The following UBE3A variants were observed in gnomAD, a reference collection of about 807,000 sequenced individuals.
The protein encoded by UBE3A is ubiquitin protein ligase E3A, also known as ubiquitin-protein ligase E3A.
Under a neutral mutation model 83.4 loss-of-function variants are expected in UBE3A, and 6 were observed. The ratio of observed to expected loss-of-function variants is 0.07; its 90% CI spans 0.04 to 0.14. UBE3A has a LOEUF of 0.14. UBE3A is among the 10% of genes least tolerant of loss of function. The pLI, the probability that UBE3A is intolerant of heterozygous loss-of-function variation, is 1.00. For synonymous variants in UBE3A, 337 were observed against 355.4 expected, an observed-to-expected ratio of 0.95 and a Z score of 0.58; for missense variants, 456 against 1,036.1, an observed-to-expected ratio of 0.44 and a Z score of 7.69.
chr15:25,350,723 T>C (rs938639139), intron 11 of UBE3A, among the ~76,000 whole-genome samples: 2 of 152,268 alleles, frequency 1.3e-5, no homozygotes, highest in Non-Finnish European at 1.5e-5. Flanking sequence ...ACTTTGCGTA[T>C]TCATATAATG....
intron 4 of UBE3A, among the ~76,000 whole-genome samples, chr15:25,389,713 C>T (rs1346443957): frequency 2.0e-5 from 3 of 152,130 alleles, no homozygotes; most frequent in African/African-American, 4.8e-5. Flanking sequence ...CATAGTGAAA[C>T]CCCGTGTCTA....
At chr15:25,383,698 T>A (rs947620480) in intron 4 of UBE3A, among the ~76,000 whole-genome samples, 2 of 152,052 alleles carry the variant, frequency 1.3e-5, no homozygotes, top group Non-Finnish European at 2.9e-5. Context: ...TACTTCAACA[T>A]AATGAAGGCC....
chr15:25,422,585 A>G (rs1288059041), intron 1 of UBE3A, among the ~76,000 whole-genome samples: 1 of 152,158 alleles, frequency 6.6e-6, no homozygotes, highest in Admixed American at 6.5e-5. Flanking sequence ...CCAGATCTAA[A>G]CCATATCATA....
intron 4 of UBE3A, among the ~76,000 whole-genome samples, chr15:25,378,290 G>A (rs112072743): frequency 2.0e-5 from 3 of 152,050 alleles, no homozygotes; most frequent in Non-Finnish European, 4.4e-5. Context: ...CAAACAGAAC[G>A]AGACTGAAAA....
chr15:25,339,880 C>G, intron 12 of UBE3A: 1 of 617,430 alleles, frequency 1.6e-6, no homozygotes, highest in Non-Finnish European at 2.8e-6. Flanking sequence ...AATGTGAGCC[C>G]CATAATAATT....
rs10576994 is a variant in UBE3A, at chr15:25,335,285, TGAC to T, written c.*3849_*3851del. 3,321 of 152,284 alleles carry T rather than the reference TGAC, an allele frequency of 0.022. 59 individuals are homozygous for T. Among genetic ancestry groups the T allele is most frequent in the Non-Finnish European group, 0.031 (2,140 of 68,036 alleles). The allele number at this position is 152,284 out of a possible 1,614,324, so 9.4% of individuals were successfully genotyped here. Reference sequence around the variant, plus strand: ...GGTCATGAAGAGTATTTGAGAAATATGACAAGTGAAGATGCTGGGTAGGAATGC... The same window carrying T: ...GGTCATGAAGAGTATTTGAGAAATATAAGTGAAGATGCTGGGTAGGAATGC... On this transcript the variant is annotated 3_prime_UTR_variant, in exon 13 of 13. Transcript: ENST00000648336.
Position 25,337,166 on chromosome 15 carries a change from T to C in UBE3A, c.*1971A>G, listed in dbSNP as rs2074007028. On this transcript the variant is annotated 3_prime_UTR_variant, in exon 13 of 13. Transcript: ENST00000648336. Reference sequence around the variant, plus strand: ...CCTATTTCAATTACCACTTTAAAACTTGTCATATGGATACGTTATTACAAT... The same window carrying C: ...CCTATTTCAATTACCACTTTAAAACCTGTCATATGGATACGTTATTACAAT... 2.0e-5 allele frequency: 3 copies of C among 152,180 alleles called. No individual in the cohort carries two copies. In the South Asian group the frequency reaches 6.2e-4, roughly 32 times the overall value. 9.4% of individuals were successfully genotyped at this position (152,180 alleles called of 1,614,324 possible).
At chr15:25,413,516 A>G in intron 1 of UBE3A, among the ~76,000 whole-genome samples, 1 of 152,200 alleles carries the variant, frequency 6.6e-6, no homozygotes, top group East Asian at 1.9e-4. Context: ...AAGGACTACT[A>G]CAACAATTTT....
intron 1 of UBE3A, among the ~76,000 whole-genome samples, chr15:25,434,448 T>C (rs1246076030): frequency 6.6e-6 from 1 of 152,218 alleles, no homozygotes; most frequent in East Asian, 1.9e-4. Flanking sequence ...AAGGACTTAT[T>C]TATATGGCAT....
chr15:25,344,923 G>A (rs1043179428), intron 11 of UBE3A, among the ~76,000 whole-genome samples: 1 of 152,048 alleles, frequency 6.6e-6, no homozygotes, highest in Non-Finnish European at 1.5e-5. Context: ...AGCAGGTTCT[G>A]GAAAGATGAT....
At chr15:25,401,645 T>C (rs977252249) in intron 4 of UBE3A, among the ~76,000 whole-genome samples, 19 of 152,192 alleles carry the variant, frequency 1.2e-4, no homozygotes, top group Non-Finnish European at 2.5e-4. Context: ...GCTGCAATGG[T>C]TCCTCTTTCA....
At chr15:25,364,612 T>C (rs900534758) in intron 6 of UBE3A, among the ~76,000 whole-genome samples, 1 of 151,426 alleles carries the variant, frequency 6.6e-6, no homozygotes, top group Non-Finnish European at 1.5e-5. Context: ...TTATTTACAA[T>C]ACACACGTGG....
At chr15:25,363,450 T>C (rs34051514) in intron 6 of UBE3A, among the ~76,000 whole-genome samples, 18,102 of 152,200 alleles carry the variant, frequency 0.12, 1,153 homozygotes, top group Middle Eastern at 0.23. Flanking sequence ...AGCACTTTTG[T>C]AGCATTTCAC....
chr15:25,401,740 ATTTT>A (rs201565392), intron 4 of UBE3A, among the ~76,000 whole-genome samples: 8 of 151,770 alleles, frequency 5.3e-5, no homozygotes, highest in South Asian at 2.1e-4. Flanking sequence ...ACAACTCTTT[ATTTT>A]TTTTATCTTG....
At chr15:25,385,515 C>A (rs1011722362) in intron 4 of UBE3A, among the ~76,000 whole-genome samples, 2 of 151,990 alleles carry the variant, frequency 1.3e-5, no homozygotes, top group Non-Finnish European at 2.9e-5. Context: ...TGGTGCCAGG[C>A]ACTGTGGAAA....
At chr15:25,383,849 C>T (rs8042058) in intron 4 of UBE3A, among the ~76,000 whole-genome samples, 58,176 of 151,768 alleles carry the variant, frequency 0.38, 14,855 homozygotes, top group African/African-American at 0.74. Context: ...GAGTTAGCAA[C>T]TGGGCAAGAA....
chr15:25,376,702 A>T (rs2081279369), intron 4 of UBE3A, among the ~76,000 whole-genome samples: 1 of 131,288 alleles, frequency 7.6e-6, no homozygotes, highest in African/African-American at 3.0e-5. Context: ...AAAGTGTAGA[A>T]TCTTAAATCT....
chr15:25,405,164 G>A (rs963334265), intron 4 of UBE3A, among the ~76,000 whole-genome samples: 8 of 143,274 alleles, frequency 5.6e-5, no homozygotes, highest in Middle Eastern at 3.4e-3. Flanking sequence ...CGTTGAGACT[G>A]TTAAACTCAA....
chr15:25,366,786 C>A (rs1203064103), intron 6 of UBE3A, among the ~76,000 whole-genome samples: 1 of 152,050 alleles, frequency 6.6e-6, no homozygotes, highest in African/African-American at 2.4e-5. Context: ...CACACATGCA[C>A]ACACACCCCC....
Sources: gnomAD v4.1 joint callset for allele counts (sites outside exome capture counted in the v4.1 genomes callset) on GRCh38, gnomAD v4.1.1 for gene constraint, MANE v1.5 for transcripts, NCBI Gene and HGNC (gene_info 2026-07-23, HGNC 2026-07-21) for gene names.